Variants in SNAP91 observed in about 807,000 individuals in gnomAD.
The protein encoded by SNAP91 is clathrin coat assembly protein AP180.
A neutral mutation model predicts 100.3 loss-of-function variants in SNAP91; 27 were observed. The observed-to-expected ratio is 0.27, with a 90% confidence interval of 0.20 to 0.37. The LOEUF is 0.37. Ranked by LOEUF, SNAP91 falls within the 10% of genes least tolerant of loss-of-function variation. SNAP91 has a pLI of 1.00. For missense variants in SNAP91, 986 were observed against 1,123.7 expected (o/e 0.88, Z 1.75); for synonymous variants, 404 against 398.6 (o/e 1.01, Z -0.16).
chr6:83,576,527 A>G (rs886675984), intron 24 of SNAP91, among the ~76,000 whole-genome samples: 7 of 152,242 alleles, frequency 4.6e-5, no homozygotes, highest in African/African-American at 1.7e-4. Context: ...TCACTGCCCA[A>G]TAAATACTCT....
At chr6:83,697,095 C>T (rs185849866) in intron 2 of SNAP91, among the ~76,000 whole-genome samples, 16 of 152,112 alleles carry the variant, frequency 1.1e-4, no homozygotes, top group African/African-American at 3.9e-4. Flanking sequence ...TACTGCTTGT[C>T]GAAAGCCCCC....
intron 6 of SNAP91, among the ~76,000 whole-genome samples, chr6:83,657,485 A>G (rs2098436408): frequency 6.6e-6 from 1 of 152,234 alleles, no homozygotes; most frequent in African/African-American, 2.4e-5. Context: ...AAAAGAAAAT[A>G]AAAGCTAAAA....
chr6:83,583,787 G>T (rs1032215432), intron 22 of SNAP91, among the ~76,000 whole-genome samples: 1 of 152,164 alleles, frequency 6.6e-6, no homozygotes, highest in Non-Finnish European at 1.5e-5. Context: ...TTTTGAAAGT[G>T]ATTTCCACTA....
At chr6:83,676,884 G>A (rs950201503) in intron 2 of SNAP91, among the ~76,000 whole-genome samples, 2 of 152,110 alleles carry the variant, frequency 1.3e-5, no homozygotes, top group Non-Finnish European at 2.9e-5. Flanking sequence ...ATAGAAGCAG[G>A]AAAACAAAAG....
chr6:83,657,803 G>C (rs1384100290), intron 6 of SNAP91, among the ~76,000 whole-genome samples: 1 of 149,534 alleles, frequency 6.7e-6, no homozygotes, highest in Non-Finnish European at 1.5e-5. Flanking sequence ...GTCTCACTCT[G>C]TCGTCTAGAC....
At chr6:83,704,464 T>A (rs1173940048) in intron 2 of SNAP91, among the ~76,000 whole-genome samples, 2 of 152,200 alleles carry the variant, frequency 1.3e-5, no homozygotes, top group South Asian at 4.1e-4. Flanking sequence ...AGTTTCTTCA[T>A]CTCGACCTTT....
At chr6:83,571,852 A>G (rs1808388926) in intron 26 of SNAP91, among the ~76,000 whole-genome samples, 1 of 152,132 alleles carries the variant, frequency 6.6e-6, no homozygotes, top group African/African-American at 2.4e-5. Flanking sequence ...TGTGGGAAGG[A>G]TGCAATGGGA....
At chr6:83,634,609 T>C (rs995787916) in intron 8 of SNAP91, among the ~76,000 whole-genome samples, 6 of 152,122 alleles carry the variant, frequency 3.9e-5, no homozygotes, top group African/African-American at 1.2e-4. Context: ...TGCCTCCCAG[T>C]CACCACGATC....
In SNAP91 at chr6:83,592,498, C is replaced by T. The variant is rs763210208; in HGVS notation, c.1887G>A (p.Ser629=). 2.0e-5 allele frequency: 32 copies of T among 1,611,542 alleles called. No homozygotes were observed. Among genetic ancestry groups the T allele is most frequent in the Admixed American group, 3.3e-5 (2 of 59,824 alleles). Residue 629 remains serine (S), a synonymous_variant, in exon 21 of 30, where the codon TCG becomes TCA. Transcript: ENST00000369694. The stretch of plus-strand genomic sequence containing the variant: ...CACCTGAAGAATCCACCTTTGCTGG[C>T]GAGGCAGTGGTTGCAGGAGATGGTG... ...FAAPSPATTA[S]PAKVDSSGVI...
chr6:83,642,206 ATATTT>A (rs898010833), intron 7 of SNAP91, among the ~76,000 whole-genome samples: 5 of 151,860 alleles, frequency 3.3e-5, no homozygotes, highest in African/African-American at 9.7e-5. Flanking sequence ...TATATTTATT[ATATTT>A]TAAGTTCTAG....
rs532221852 is a variant in SNAP91, at chr6:83,602,946, T to C, written c.1142-1347A>G. 3.9e-5 allele frequency among the ~76,000 whole-genome samples: 6 copies of C among 152,298 alleles called. No homozygotes were observed. In the East Asian group the frequency reaches 7.7e-4, roughly 20 times the overall value. On this transcript the variant is annotated intron_variant, in intron 14 of 29. Transcript: ENST00000369694. Reference sequence around the variant, plus strand: ...GTGCAGCAAACCACCATGGCACATGTATACCTATGTAACAAACATTCTGCA... The same window carrying C: ...GTGCAGCAAACCACCATGGCACATGCATACCTATGTAACAAACATTCTGCA...
chr6:83,583,843 T>C (rs1480772788), intron 22 of SNAP91, among the ~76,000 whole-genome samples: 1 of 152,218 alleles, frequency 6.6e-6, no homozygotes, highest in Non-Finnish European at 1.5e-5. Flanking sequence ...CTGTTTGAGT[T>C]ATGTTATTCC....
At chr6:83,665,107 A>G (rs1371556404) in intron 3 of SNAP91, among the ~76,000 whole-genome samples, 1 of 152,106 alleles carries the variant, frequency 6.6e-6, no homozygotes, top group Non-Finnish European at 1.5e-5. Flanking sequence ...ATAAATGTAA[A>G]TGTAACTTTT....
chr6:83,599,800 T>G (rs1478401692), intron 16 of SNAP91, among the ~76,000 whole-genome samples: 1 of 152,178 alleles, frequency 6.6e-6, no homozygotes, highest in Non-Finnish European at 1.5e-5. Context: ...TTTAATTTTA[T>G]TTTTGAGACA....
chr6:83,591,789 A>T (rs747459666), intron 21 of SNAP91, among the ~76,000 whole-genome samples: 1 of 152,200 alleles, frequency 6.6e-6, no homozygotes, highest in Non-Finnish European at 1.5e-5. Context: ...TTCCTCATGT[A>T]CGCATCATGG....
intron 8 of SNAP91, among the ~76,000 whole-genome samples, chr6:83,637,933 G>A (rs1345507405): frequency 1.3e-5 from 2 of 152,186 alleles, no homozygotes; most frequent in Non-Finnish European, 2.9e-5. Flanking sequence ...TGTGCTGGGG[G>A]TGCCAGACTG....
In SNAP91 at chr6:83,560,927, G is replaced by A. The variant is rs1309891771; in HGVS notation, c.2463C>T (p.Thr821=). 1 of 1,610,416 alleles carries A rather than the reference G, an allele frequency of 6.2e-7. No individual in the cohort carries two copies. Among genetic ancestry groups the A allele is most frequent in the Non-Finnish European group, 8.5e-7 (1 of 1,178,832 alleles). Residue 821 remains threonine (T), a synonymous_variant, in exon 27 of 30, where the codon ACC becomes ACT. Coordinates refer to ENST00000369694, the MANE Select transcript of SNAP91 (RefSeq NM_001242792.2). ...SAPLQGAVPP[T]SSVPPVAGAP... ...CCCCGGCAACAGGAGGAACTGAACT[G>A]GTTGGAGGTACAGCTCCTTGCTACA...
intron 8 of SNAP91, among the ~76,000 whole-genome samples, chr6:83,639,828 T>C (rs2097607751): frequency 6.6e-6 from 1 of 152,130 alleles, no homozygotes; most frequent in South Asian, 2.1e-4. Flanking sequence ...CTGTTCTCCG[T>C]ACTCAGGCAT....
chr6:83,563,129 T>G (rs1367142750), intron 26 of SNAP91, among the ~76,000 whole-genome samples: 1 of 152,144 alleles, frequency 6.6e-6, no homozygotes, highest in East Asian at 1.9e-4. Context: ...ACGAGACATC[T>G]TAGACATGAG....
Sources: allele counts gnomAD v4.1 joint callset (sites outside exome capture counted in the v4.1 genomes callset), GRCh38; gene constraint gnomAD v4.1.1; transcripts MANE v1.5; gene names NCBI Gene and HGNC (gene_info 2026-07-23, HGNC 2026-07-21).